The following ASXL2 variants were observed in gnomAD, a reference collection of about 807,000 sequenced individuals.
ASXL2 encodes the protein ASXL transcriptional regulator 2.
Under a neutral mutation model 122.0 loss-of-function variants are expected in ASXL2, and 23 were observed. That is an observed-to-expected ratio of 0.19 (90% CI 0.14 to 0.27). The LOEUF (loss-of-function observed/expected upper bound fraction) is 0.27, where lower values mean the gene tolerates loss of function less well. ASXL2 is among the 10% of genes least tolerant of loss of function. ASXL2 has a pLI of 1.00. For missense variants in ASXL2, 1,518 were observed against 1,713.8 expected (o/e 0.89, Z 2.02); for synonymous variants, 650 against 637.0 (o/e 1.02, Z -0.31).
chr2:25,796,468 G>C (rs188430104), intron 5 of ASXL2, among the ~76,000 whole-genome samples: 1 of 152,288 alleles, frequency 6.6e-6, no homozygotes, highest in East Asian at 1.9e-4. Flanking sequence ...TCTTTGAATA[G>C]ACTCTGACAA....
At chr2:25,815,827 T>C (rs1360807112) in intron 3 of ASXL2, among the ~76,000 whole-genome samples, 1 of 152,212 alleles carries the variant, frequency 6.6e-6, no homozygotes, top group Non-Finnish European at 1.5e-5. Flanking sequence ...GTTTACATCG[T>C]GTTTCCTGTC....
In ASXL2 at chr2:25,739,230, A is replaced by C. The variant is rs534315143; in HGVS notation, c.*2799T>G. On this transcript the variant is annotated 3_prime_UTR_variant, in exon 13 of 13. Transcript: ENST00000435504. The stretch of plus-strand genomic sequence containing the variant: ...CTAAGAATAAGCTCAGCATTTATTA[A>C]AACTTTTCAGATTGGGATGAAAGGT... 7.0e-5 allele frequency: 11 copies of C among 156,488 alleles called. No individual in the cohort carries two copies. In the Middle Eastern group the frequency reaches 8.9e-3, roughly 126 times the overall value. 9.7% of individuals were successfully genotyped at this position (156,488 alleles called of 1,614,324 possible). A position where few individuals can be genotyped will look rare whatever the true frequency, so the allele number is the denominator to read the frequency against.
intron 2 of ASXL2, among the ~76,000 whole-genome samples, chr2:25,839,730 C>A (rs933431034): frequency 6.7e-6 from 1 of 150,244 alleles, no homozygotes; most frequent in Non-Finnish European, 1.5e-5. Context: ...TCAAGTGATC[C>A]TCCTGCCTCA....
intron 8 of ASXL2, among the ~76,000 whole-genome samples, chr2:25,764,938 A>C (rs1376922663): frequency 6.6e-6 from 1 of 152,208 alleles, no homozygotes; most frequent in Admixed American, 6.5e-5. Context: ...TGGTCAGTTT[A>C]AGTCCTCTAA....
At chr2:25,826,446 G>A (rs928653179) in intron 3 of ASXL2, among the ~76,000 whole-genome samples, 7 of 152,082 alleles carry the variant, frequency 4.6e-5, no homozygotes, top group Admixed American at 1.3e-4. Flanking sequence ...ATTCATCAGT[G>A]TCTGCCAATA....
intron 1 of ASXL2, chr2:25,856,678 C>T (rs948421974): frequency 1.6e-5 from 20 of 1,273,504 alleles, no homozygotes; most frequent in African/African-American, 5.9e-5. Context: ...AACCCTCAGC[C>T]GTTAGAGTGA....
intron 1 of ASXL2, among the ~76,000 whole-genome samples, chr2:25,866,199 T>G (rs967751747): frequency 1.3e-5 from 2 of 151,638 alleles, no homozygotes; most frequent in Non-Finnish European, 2.9e-5. Context: ...GGCGCCATCT[T>G]GGCTCACTGC....
At chr2:25,874,467 C>A (rs2089995379) in intron 1 of ASXL2, among the ~76,000 whole-genome samples, 1 of 151,656 alleles carries the variant, frequency 6.6e-6, no homozygotes, top group South Asian at 2.1e-4. Context: ...CCAGCCTGGG[C>A]AACCAAGTGA....
intron 5 of ASXL2, among the ~76,000 whole-genome samples, chr2:25,774,466 A>G (rs10201221): frequency 0.021 from 3,228 of 152,246 alleles, 114 homozygotes; most frequent in African/African-American, 0.07. Flanking sequence ...TTTATACTTT[A>G]TATAAATATT....
At chr2:25,847,912 C>T (rs1166265470) in intron 1 of ASXL2, among the ~76,000 whole-genome samples, 3 of 152,190 alleles carry the variant, frequency 2.0e-5, no homozygotes, top group Non-Finnish European at 1.5e-5. Context: ...CTTTTGTGTA[C>T]ATATTCAATA....
chr2:25,800,643 TC>T (rs1449328395), intron 4 of ASXL2, among the ~76,000 whole-genome samples: 1 of 152,128 alleles, frequency 6.6e-6, no homozygotes, highest in Non-Finnish European at 1.5e-5. Context: ...ACAGGATAGT[TC>T]CAAGACCAAA....
At chr2:25,838,482 ACT>A (rs2089539191) in intron 2 of ASXL2, among the ~76,000 whole-genome samples, 1 of 152,184 alleles carries the variant, frequency 6.6e-6, no homozygotes, top group Admixed American at 6.5e-5. Context: ...CTTACACAGA[ACT>A]CTTAACTTAT....
chr2:25,860,234 C>A (rs1214513686), intron 1 of ASXL2, among the ~76,000 whole-genome samples: 1 of 151,852 alleles, frequency 6.6e-6, no homozygotes, highest in Non-Finnish European at 1.5e-5. Flanking sequence ...TCACTTGAAC[C>A]CGGGAGGCAG....
intron 1 of ASXL2, chr2:25,856,541 T>C (rs2149198152): frequency 8.9e-7 from 1 of 1,120,944 alleles, no homozygotes; most frequent in Non-Finnish European, 1.3e-6. Context: ...CTCAAATGAG[T>C]TGGTTGTATT....
intron 1 of ASXL2, among the ~76,000 whole-genome samples, chr2:25,858,997 A>G (rs758449530): frequency 4.6e-5 from 7 of 151,562 alleles, no homozygotes; most frequent in African/African-American, 7.3e-5. Context: ...TATTTTTAGT[A>G]GAGACGGGGT....
intron 5 of ASXL2, among the ~76,000 whole-genome samples, chr2:25,791,038 A>C (rs888619010): frequency 1.3e-5 from 2 of 150,684 alleles, no homozygotes; most frequent in African/African-American, 2.4e-5. Context: ...CTCAAGTCAT[A>C]CTCCTGCCTC....
At chr2:25,851,158 A>G (rs567947942) in intron 1 of ASXL2, among the ~76,000 whole-genome samples, 37 of 151,866 alleles carry the variant, frequency 2.4e-4, no homozygotes, top group South Asian at 8.3e-4. Context: ...AAAAAAAAAA[A>G]AAAAGAAAGA....
intron 8 of ASXL2, among the ~76,000 whole-genome samples, chr2:25,762,665 G>GAAAAAAAAAAAAAAAAAA (rs60065368): frequency 2.9e-5 from 1 of 34,256 alleles, no homozygotes; most frequent in Non-Finnish European, 4.8e-5. Flanking sequence ...ACTCTTTCTC[G>GAAAAAAAAAAAAAAAAAA]AAAAAAAAAA....
At chr2:25,773,539 G>A (rs981291468) in intron 5 of ASXL2, among the ~76,000 whole-genome samples, 9 of 150,158 alleles carry the variant, frequency 6.0e-5, no homozygotes, top group East Asian at 2.0e-4. Context: ...GGTGGCGGGC[G>A]CTTGTAGTCC....
Sources: gnomAD v4.1 joint callset for allele counts (sites outside exome capture counted in the v4.1 genomes callset) on GRCh38, gnomAD v4.1.1 for gene constraint, MANE v1.5 for transcripts, NCBI Gene and HGNC (gene_info 2026-07-23, HGNC 2026-07-21) for gene names.